Variants in PDGFD observed in about 807,000 individuals in gnomAD.
PDGFD encodes the protein platelet derived growth factor D.
In PDGFD, 30 loss-of-function variants were observed where a neutral mutation model predicts 44.7. The observed-to-expected ratio is 0.67, with a 90% CI of 0.50 to 0.91. The LOEUF (loss-of-function observed/expected upper bound fraction) is 0.91. Among genes scored for constraint, PDGFD ranks in the 40% least tolerant of loss-of-function variants. The pLI, the probability that PDGFD is intolerant of heterozygous loss-of-function variation, is 0.00. For synonymous variants in PDGFD, 173 were observed against 168.4 expected, an observed-to-expected ratio of 1.03 and a Z score of -0.21; for missense variants, 445 against 457.8, an observed-to-expected ratio of 0.97 and a Z score of 0.25.
intron 5 of PDGFD, 29 bp from the exon 6 acceptor site, chr11:103,927,155 C>A (rs1244123730): frequency 7.6e-6 from 12 of 1,583,948 alleles, no homozygotes; most frequent in Non-Finnish European, 1.0e-5. Flanking sequence ...ACTGTGTAAG[C>A]AAACACAACA....
At chr11:103,925,704 G>C (rs201403798) in intron 6 of PDGFD, among the ~76,000 whole-genome samples, 3 of 106,120 alleles carry the variant, frequency 2.8e-5, no homozygotes, top group African/African-American at 3.8e-5. Context: ...TATATACACA[G>C]ACACACACAC....
intron 1 of PDGFD, among the ~76,000 whole-genome samples, chr11:104,054,151 A>G (rs1860585641): frequency 6.6e-6 from 1 of 152,216 alleles, no homozygotes; most frequent in Non-Finnish European, 1.5e-5. Context: ...TTACATGTTT[A>G]TTTCATAACT....
At chr11:104,126,515 G>A (rs181934680) in intron 1 of PDGFD, among the ~76,000 whole-genome samples, 1 of 152,226 alleles carries the variant, frequency 6.6e-6, no homozygotes, top group Non-Finnish European at 1.5e-5. Context: ...TTTTTAAGGA[G>A]AAAAACAATC....
chr11:104,111,971 CT>C (rs1861565125), intron 1 of PDGFD, among the ~76,000 whole-genome samples: 1 of 152,160 alleles, frequency 6.6e-6, no homozygotes, highest in Non-Finnish European at 1.5e-5. Flanking sequence ...GAGGATTTTA[CT>C]GGCAGTATCC....
intron 3 of PDGFD, among the ~76,000 whole-genome samples, chr11:103,967,269 C>T (rs1352092201): frequency 6.6e-6 from 1 of 152,180 alleles, no homozygotes; most frequent in Non-Finnish European, 1.5e-5. Flanking sequence ...CCCACATTCA[C>T]TAAGGACCAT....
chr11:104,121,334 C>T (rs1861775540), intron 1 of PDGFD, among the ~76,000 whole-genome samples: 1 of 151,888 alleles, frequency 6.6e-6, no homozygotes, highest in African/African-American at 2.4e-5. Context: ...TCACTAAGAA[C>T]ATCTGTATTT....
intron 1 of PDGFD, among the ~76,000 whole-genome samples, chr11:104,121,798 A>G (rs971514624): frequency 8.5e-5 from 13 of 152,070 alleles, no homozygotes; most frequent in African/African-American, 3.1e-4. Flanking sequence ...CGTGAGACTC[A>G]TAATCATTTC....
chr11:104,082,868 C>T (rs958816435), intron 1 of PDGFD, among the ~76,000 whole-genome samples: 1 of 152,128 alleles, frequency 6.6e-6, no homozygotes, highest in Non-Finnish European at 1.5e-5. Context: ...ATCCTCCCTC[C>T]TTGGTCTCCC....
At chr11:104,127,147 A>G (rs1423740312) in intron 1 of PDGFD, among the ~76,000 whole-genome samples, 2 of 152,162 alleles carry the variant, frequency 1.3e-5, no homozygotes. Flanking sequence ...ATAAGAACTT[A>G]AAGTGTGAGG....
chr11:104,144,453 C>T (rs923215587), intron 1 of PDGFD, among the ~76,000 whole-genome samples: 4 of 138,558 alleles, frequency 2.9e-5, no homozygotes, highest in African/African-American at 1.1e-4. Context: ...TTGCAGTGAG[C>T]TGAGATTGCG....
At chr11:104,053,302 T>C (rs1860570835) in intron 1 of PDGFD, among the ~76,000 whole-genome samples, 1 of 152,202 alleles carries the variant, frequency 6.6e-6, no homozygotes, top group Non-Finnish European at 1.5e-5. Context: ...TGTTCTTTCT[T>C]GTGTTTTAGA....
At chr11:103,985,596 G>C (rs538963675) in intron 3 of PDGFD, among the ~76,000 whole-genome samples, 2 of 151,896 alleles carry the variant, frequency 1.3e-5, no homozygotes, top group East Asian at 3.9e-4. Context: ...TAACAGCCAG[G>C]AATGAGAGAT....
At chr11:104,017,804 G>A (rs1859881963) in intron 1 of PDGFD, among the ~76,000 whole-genome samples, 1 of 152,140 alleles carries the variant, frequency 6.6e-6, no homozygotes, top group Non-Finnish European at 1.5e-5. Flanking sequence ...ATACACATTA[G>A]AGACTTGGAG....
intron 1 of PDGFD, among the ~76,000 whole-genome samples, chr11:104,068,016 T>C (rs372112189): frequency 1.5e-3 from 225 of 152,324 alleles, no homozygotes; most frequent in African/African-American, 5.1e-3. Context: ...TAGAGTGTTA[T>C]CACACACTTG....
intron 1 of PDGFD, among the ~76,000 whole-genome samples, chr11:104,103,462 G>GTGTGTGTGTATA (rs1041388346): frequency 7.5e-6 from 1 of 133,266 alleles, no homozygotes; most frequent in Non-Finnish European, 1.6e-5. Context: ...GTGTGTGTGT[G>GTGTGTGTGTATA]TATATATATA....
Position 103,995,231 on chromosome 11 carries a change from C to T in PDGFD, c.510+834G>A, listed in dbSNP as rs373943682. ...TCTCTACCCGACTTTAAGCTCCAGA[C>T]GGTTCAAGGACCCTGTCTGTTCTGC... On this transcript the variant is annotated intron_variant, in intron 3 of 6. Coordinates refer to ENST00000393158, the MANE Select transcript of PDGFD (RefSeq NM_025208.5). 7.2e-5 allele frequency among the ~76,000 whole-genome samples: 11 copies of T among 152,202 alleles called. 1 individual carries two copies. The highest frequency in any genetic ancestry group is 1.9e-4 in the African/African-American group (8 of 41,528).
At chr11:104,045,233 G>A (rs1860421830) in intron 1 of PDGFD, among the ~76,000 whole-genome samples, 1 of 152,092 alleles carries the variant, frequency 6.6e-6, no homozygotes, top group African/African-American at 2.4e-5. Context: ...ATATGTCTAA[G>A]TGTTGAAAGT....
intron 1 of PDGFD, among the ~76,000 whole-genome samples, chr11:104,048,382 T>C (rs1860475843): frequency 6.6e-6 from 1 of 152,056 alleles, no homozygotes; most frequent in South Asian, 2.1e-4. Flanking sequence ...CATTCATTTA[T>C]TTTTCTACTC....
At chr11:104,079,711 C>T (rs1288691481) in intron 1 of PDGFD, among the ~76,000 whole-genome samples, 1 of 152,068 alleles carries the variant, frequency 6.6e-6, no homozygotes, top group East Asian at 1.9e-4. Flanking sequence ...TCTCTATTGG[C>T]AATGCCTTTT....
Sources: allele counts gnomAD v4.1 joint callset (sites outside exome capture counted in the v4.1 genomes callset), GRCh38; gene constraint gnomAD v4.1.1; transcripts MANE v1.5; gene names NCBI Gene and HGNC (gene_info 2026-07-23, HGNC 2026-07-21).